The following CSMD1 variants were observed in gnomAD, a reference collection of about 807,000 sequenced individuals.
CSMD1 encodes CUB and sushi domain-containing protein 1.
In CSMD1, 213 loss-of-function variants were observed where a neutral mutation model predicts 417.5. That is an observed-to-expected ratio of 0.51 (90% CI 0.46 to 0.57). The LOEUF (loss-of-function observed/expected upper bound fraction) is 0.57. Ranked by LOEUF, CSMD1 falls within the 20% of genes least tolerant of loss-of-function variation. The probability of loss-of-function intolerance (pLI) is 0.00; values close to 1 mark genes in which losing one functional copy is unlikely to be tolerated. For synonymous variants in CSMD1, 2,862 were observed against 1,736.8 expected (o/e 1.65, Z -16.11); for missense variants, 6,923 against 4,529.7 (o/e 1.53, Z -15.17).
intron 40 of CSMD1, among the ~76,000 whole-genome samples, chr8:3,146,518 A>G (rs1818853952): frequency 6.6e-6 from 1 of 152,218 alleles, no homozygotes; most frequent in Non-Finnish European, 1.5e-5. Context: ...TTTCAAAAAC[A>G]TTTGAGTATC....
intron 54 of CSMD1, among the ~76,000 whole-genome samples, chr8:2,981,416 C>T (rs1805414150): frequency 6.6e-6 from 1 of 151,024 alleles, no homozygotes; most frequent in Non-Finnish European, 1.5e-5. Flanking sequence ...TCAGGCCCAC[C>T]TGCAGCGACT....
At chr8:4,557,474 T>A (rs570443280) in intron 2 of CSMD1, among the ~76,000 whole-genome samples, 3 of 151,918 alleles carry the variant, frequency 2.0e-5, no homozygotes, top group Non-Finnish European at 4.4e-5. Flanking sequence ...TAAAAGCACA[T>A]TGATTCTATC....
Position 4,364,750 on chromosome 8 carries a change from G to A in CSMD1, c.415+55203C>T, listed in dbSNP as rs1309223129. Among the ~76,000 whole-genome samples, 3 of 40,934 alleles carry A rather than the reference G, an allele frequency of 7.3e-5. 1 individual carries two copies. Among genetic ancestry groups the A allele is most frequent in the Admixed American group, 5.4e-4 (2 of 3,690 alleles). 26.9% of individuals were successfully genotyped at this position (40,934 alleles called of 152,430 possible). ...TGAGGCAGGAGAATGGCGTGAACCC[G>A]GGAGGCGGAGCTTGCAGTGAGCCGA... On this transcript the variant is annotated intron_variant, in intron 3 of 69. Coordinates refer to ENST00000635120, the MANE Select transcript of CSMD1 (RefSeq NM_033225.6).
chr8:3,689,955 C>G (rs1440008715), intron 7 of CSMD1, among the ~76,000 whole-genome samples: 1 of 152,220 alleles, frequency 6.6e-6, no homozygotes. Context: ...AAGTGCTATA[C>G]AGTGTCACCA....
chr8:4,524,988 A>G (rs921409120), intron 2 of CSMD1, among the ~76,000 whole-genome samples: 2 of 152,178 alleles, frequency 1.3e-5, no homozygotes, highest in African/African-American at 4.8e-5. Flanking sequence ...TATTTTTTTT[A>G]CTAGGTTTGT....
At chr8:3,860,735 C>A (rs140176601) in intron 5 of CSMD1, among the ~76,000 whole-genome samples, 48 of 152,190 alleles carry the variant, frequency 3.2e-4, no homozygotes, top group African/African-American at 1.1e-3. Flanking sequence ...TAGCAAAGTC[C>A]ACATTTTGAA....
intron 9 of CSMD1, among the ~76,000 whole-genome samples, chr8:3,578,391 G>T (rs1370287521): frequency 6.7e-6 from 1 of 149,274 alleles, no homozygotes; most frequent in Non-Finnish European, 1.5e-5. Flanking sequence ...TAGTTAGACG[G>T]GAAGGGCACA....
chr8:4,353,287 G>T (rs907418118), intron 3 of CSMD1, among the ~76,000 whole-genome samples: 5 of 152,002 alleles, frequency 3.3e-5, no homozygotes, highest in Non-Finnish European at 7.4e-5. Flanking sequence ...GTTTTATAAA[G>T]GGGAGTTTCC....
intron 2 of CSMD1, among the ~76,000 whole-genome samples, chr8:4,564,886 C>G (rs529439844): frequency 6.6e-6 from 1 of 152,312 alleles, no homozygotes; most frequent in South Asian, 2.1e-4. Flanking sequence ...TGTTTGTTTA[C>G]GTAGCTTAAT....
At chr8:3,750,984 A>C (rs1446075932) in intron 6 of CSMD1, among the ~76,000 whole-genome samples, 1 of 152,054 alleles carries the variant, frequency 6.6e-6, no homozygotes, top group East Asian at 1.9e-4. Context: ...GGGTCTTGTC[A>C]TCTTCCTCTC....
At position 4,829,148 on chromosome 8, in the gene CSMD1, C is replaced by T. The variant is rs148436715; in HGVS notation, c.85+165184G>A. Among the ~76,000 whole-genome samples, 273 of 152,256 alleles carry T rather than the reference C, an allele frequency of 1.8e-3. 1 individual carries two copies. Among genetic ancestry groups the T allele is most frequent in the African/African-American group, 6.3e-3 (261 of 41,548 alleles). On this transcript the variant is annotated intron_variant, in intron 1 of 69. Transcript: ENST00000635120. Reference sequence around the variant, plus strand: ...CAGTCCTTTTGGTTTATGATTGATCCTGCCTGTTGCAATTCCACAGCCAAT... The same window carrying T: ...CAGTCCTTTTGGTTTATGATTGATCTTGCCTGTTGCAATTCCACAGCCAAT...
chr8:3,269,963 CA>C (rs1180339129), intron 26 of CSMD1, among the ~76,000 whole-genome samples: 5 of 151,470 alleles, frequency 3.3e-5, no homozygotes, highest in African/African-American at 1.2e-4. Flanking sequence ...AAGTTTAGGT[CA>C]CAACCCTACT....
intron 3 of CSMD1, among the ~76,000 whole-genome samples, chr8:4,249,232 T>G (rs1405102101): frequency 6.6e-6 from 1 of 152,208 alleles, no homozygotes; most frequent in African/African-American, 2.4e-5. Context: ...GTAACATACA[T>G]AGAAAAGGGC....
chr8:4,304,527 G>C (rs1433257016), intron 3 of CSMD1, among the ~76,000 whole-genome samples: 2 of 152,076 alleles, frequency 1.3e-5, no homozygotes. Context: ...GTCAGGACTG[G>C]GCCACCTGCT....
rs578228380 is a variant in CSMD1, at chr8:4,655,388, G to C, written c.86-17830C>G. On this transcript the variant is annotated intron_variant, in intron 1 of 69. Coordinates refer to ENST00000635120, the MANE Select transcript of CSMD1 (RefSeq NM_033225.6). ...CTTCCAGGAGACCAAACAAAACTAA[G>C]TGATAGGAAGTAAATGTTAAACAAA... 1.6e-4 allele frequency among the ~76,000 whole-genome samples: 25 copies of C among 152,130 alleles called. No individual in the cohort carries two copies. The South Asian group carries it at 5.0e-3, about 30-fold the overall frequency.
intron 36 of CSMD1, among the ~76,000 whole-genome samples, chr8:3,186,305 G>A (rs549919306): frequency 1.3e-5 from 2 of 152,266 alleles, no homozygotes; most frequent in East Asian, 3.9e-4. Flanking sequence ...GTGGTCAGGG[G>A]AAGAAAGAGG....
intron 2 of CSMD1, among the ~76,000 whole-genome samples, chr8:4,453,694 C>T (rs1349431090): frequency 6.6e-6 from 1 of 151,944 alleles, no homozygotes; most frequent in Non-Finnish European, 1.5e-5. Context: ...ACCATGCCTG[C>T]TTGGGTATGC....
intron 16 of CSMD1, among the ~76,000 whole-genome samples, chr8:3,398,851 G>C (rs997035214): frequency 6.6e-6 from 1 of 152,048 alleles, no homozygotes; most frequent in African/African-American, 2.4e-5. Context: ...TTATTTTTTA[G>C]ATCATGAAAT....
At chr8:3,565,209 G>A (rs558980033) in intron 10 of CSMD1, among the ~76,000 whole-genome samples, 1,876 of 129,404 alleles carry the variant, frequency 0.014, 47 homozygotes, top group African/African-American at 0.049. Context: ...CAGATAGATA[G>A]ATAGAGAGAT....
Sources: gnomAD v4.1 joint callset for allele counts (sites outside exome capture counted in the v4.1 genomes callset) on GRCh38, gnomAD v4.1.1 for gene constraint, MANE v1.5 for transcripts, NCBI Gene and HGNC (gene_info 2026-07-23, HGNC 2026-07-21) for gene names.